LRP1B: variants seen among roughly 807,000 people sequenced by gnomAD.
LRP1B encodes LDL receptor related protein 1B.
In LRP1B, 217 loss-of-function variants were observed where a neutral mutation model predicts 556.6. That is an observed-to-expected ratio of 0.39 (90% CI 0.35 to 0.44). The LOEUF is 0.44. Among genes scored for constraint, LRP1B ranks in the 20% least tolerant of loss-of-function variants. The pLI is 1.00. For synonymous variants in LRP1B, 2,047 were observed against 1,865.8 expected (o/e 1.10, Z -2.50); for missense variants, 5,053 against 5,620.8 (o/e 0.90, Z 3.23).
intron 66 of LRP1B, among the ~76,000 whole-genome samples, chr2:140,395,125 A>G (rs1005167131): frequency 1.3e-5 from 2 of 152,178 alleles, no homozygotes; most frequent in Non-Finnish European, 2.9e-5. Context: ...TGCAATTTTT[A>G]TTGCTTAAAA....
At chr2:141,556,906 A>T (rs1459322366) in intron 2 of LRP1B, among the ~76,000 whole-genome samples, 1 of 151,770 alleles carries the variant, frequency 6.6e-6, no homozygotes, top group Non-Finnish European at 1.5e-5. Context: ...TAAGCTTCAG[A>T]TCTACTCTAT....
At chr2:141,518,122 T>A (rs1262025573) in intron 2 of LRP1B, among the ~76,000 whole-genome samples, 2 of 150,468 alleles carry the variant, frequency 1.3e-5, no homozygotes, top group African/African-American at 4.9e-5. Context: ...AGGTTATCTT[T>A]AAAAAAAAAA....
chr2:141,262,928 A>C (rs970465654), intron 3 of LRP1B, among the ~76,000 whole-genome samples: 58 of 151,926 alleles, frequency 3.8e-4, no homozygotes, highest in Admixed American at 3.7e-3. Flanking sequence ...TTCAGTTCCT[A>C]AAGAATCCTA....
intron 1 of LRP1B, among the ~76,000 whole-genome samples, chr2:142,074,027 T>C (rs992556057): frequency 1.3e-5 from 2 of 152,056 alleles, no homozygotes; most frequent in African/African-American, 4.8e-5. Flanking sequence ...TTTACAGCAG[T>C]GCGAGAATGG....
At chr2:141,116,320 T>C (rs796294124) in intron 7 of LRP1B, among the ~76,000 whole-genome samples, 57 of 152,340 alleles carry the variant, frequency 3.7e-4, no homozygotes, top group African/African-American at 1.3e-3. Flanking sequence ...TTTGTAACTG[T>C]ATGTTCACAA....
chr2:141,231,058 A>C (rs1683440609), intron 5 of LRP1B, among the ~76,000 whole-genome samples: 1 of 152,252 alleles, frequency 6.6e-6, no homozygotes, highest in Admixed American at 6.5e-5. Flanking sequence ...ACGCAACAAA[A>C]ATAATTTATT....
chr2:141,338,335 T>C (rs1460998533), intron 3 of LRP1B, among the ~76,000 whole-genome samples: 1 of 152,184 alleles, frequency 6.6e-6, no homozygotes, highest in East Asian at 1.9e-4. Context: ...AGGAGATTTC[T>C]GCCCTTTGAG....
Position 140,536,311 on chromosome 2 carries a change from T to TAAAAAAAAAAAA in LRP1B, c.7642+258_7642+269dup, listed in dbSNP as rs70988404. Among the ~76,000 whole-genome samples, 3 of 61,872 alleles carry TAAAAAAAAAAAA rather than the reference T, an allele frequency of 4.8e-5. No homozygotes were observed. The East Asian group carries it at 1.4e-3, about 28-fold the overall frequency. 40.6% of individuals were successfully genotyped at this position (61,872 alleles called of 152,430 possible). A position where few individuals can be genotyped will look rare whatever the true frequency, so the allele number is the denominator to read the frequency against. On this transcript the variant is annotated intron_variant, in intron 46 of 90. Transcript: ENST00000389484. ...GCAACACAATGAGACCCCGTCTCTT[T>TAAAAAAAAAAAA]AAAAAAAAAAAAAAAAAAAAAAAAA...
rs1487646822 is a variant in LRP1B at position 141,980,836 on chromosome 2, C to T, written c.82+149812G>A. Among the ~76,000 whole-genome samples, 4 of 152,116 alleles carry T rather than the reference C, an allele frequency of 2.6e-5. No individual in the cohort carries two copies. In the East Asian group the frequency reaches 5.8e-4, roughly 22 times the overall value. ...TATAGCTAGACACTACTGGATTGGA[C>T]AGCACAACTCAAGACTATGTTCACT... On this transcript the variant is annotated intron_variant, in intron 1 of 90. Coordinates refer to ENST00000389484, the MANE Select transcript of LRP1B (RefSeq NM_018557.3).
At chr2:142,118,357 C>G (rs140835117) in intron 1 of LRP1B, among the ~76,000 whole-genome samples, 2 of 152,172 alleles carry the variant, frequency 1.3e-5, no homozygotes, top group Non-Finnish European at 2.9e-5. Flanking sequence ...TTATTTTTTA[C>G]TTAAGTGATT....
rs1402791915 is a variant in LRP1B at position 141,418,810 on chromosome 2, G to A, written c.343+61586C>T. On this transcript the variant is annotated intron_variant, in intron 3 of 90. Coordinates refer to ENST00000389484, the MANE Select transcript of LRP1B (RefSeq NM_018557.3). ...TTTTGAGAGGAATTCCACTGAATCT[G>A]TAGATCACTTTGAATAGTATGGACA... 2.0e-5 allele frequency among the ~76,000 whole-genome samples: 3 copies of A among 151,902 alleles called. No homozygotes were observed. In the East Asian group the frequency reaches 5.8e-4, roughly 29 times the overall value.
rs537450524 is a variant in LRP1B, at chr2:140,527,219, A to T, written c.7763-869T>A. Among the ~76,000 whole-genome samples the T allele has an allele frequency of 3.3e-5, 5 of 151,998 alleles. No homozygotes were observed. The South Asian group carries it at 1.0e-3, about 32-fold the overall frequency. On this transcript the variant is annotated intron_variant, in intron 47 of 90. Coordinates refer to ENST00000389484, the MANE Select transcript of LRP1B (RefSeq NM_018557.3). ...CATTGATAATCATATAGTGGTTTCCAGTAAAATGCTGTGAATGGGTACATG... is the reference window on the plus strand; with the variant it reads ...CATTGATAATCATATAGTGGTTTCCTGTAAAATGCTGTGAATGGGTACATG...
intron 2 of LRP1B, among the ~76,000 whole-genome samples, chr2:141,576,543 G>A (rs781453770): frequency 5.9e-4 from 90 of 152,138 alleles, no homozygotes; most frequent in South Asian, 6.2e-4. Context: ...AAACCTACAC[G>A]TTCTGTACAT....
At chr2:141,434,422 A>C (rs1003665119) in intron 3 of LRP1B, among the ~76,000 whole-genome samples, 1 of 151,400 alleles carries the variant, frequency 6.6e-6, no homozygotes, top group Non-Finnish European at 1.5e-5. Context: ...TCAACTGCAG[A>C]TTTTCCACTT....
At chr2:141,719,820 T>A (rs1027389318) in intron 2 of LRP1B, among the ~76,000 whole-genome samples, 38 of 152,098 alleles carry the variant, frequency 2.5e-4, no homozygotes, top group Non-Finnish European at 8.8e-5. Context: ...CAATTTTCAC[T>A]TATGCAAAGA....
At chr2:141,889,887 C>A (rs1021003347) in intron 1 of LRP1B, among the ~76,000 whole-genome samples, 2 of 151,986 alleles carry the variant, frequency 1.3e-5, no homozygotes, top group Non-Finnish European at 2.9e-5. Context: ...TAGCAGATTT[C>A]TTTGTTTCAT....
At chr2:141,777,390 A>G (rs1399161722) in intron 2 of LRP1B, among the ~76,000 whole-genome samples, 1 of 152,170 alleles carries the variant, frequency 6.6e-6, no homozygotes, top group Non-Finnish European at 1.5e-5. Flanking sequence ...TGAATCTGCA[A>G]ATGACTTTTA....
chr2:141,307,458 A>C (rs1686633463), intron 3 of LRP1B, among the ~76,000 whole-genome samples: 2 of 152,030 alleles, frequency 1.3e-5, no homozygotes, highest in African/African-American at 4.8e-5. Flanking sequence ...TTTACATGGA[A>C]TATCCTTTTT....
intron 27 of LRP1B, among the ~76,000 whole-genome samples, chr2:140,855,798 A>G (rs1692599684): frequency 6.6e-6 from 1 of 152,158 alleles, no homozygotes; most frequent in African/African-American, 2.4e-5. Flanking sequence ...ACTGCACTCC[A>G]GCCTGGCCCA....
Sources: allele counts gnomAD v4.1 joint callset (sites outside exome capture counted in the v4.1 genomes callset), GRCh38; gene constraint gnomAD v4.1.1; transcripts MANE v1.5; gene names NCBI Gene and HGNC (gene_info 2026-07-23, HGNC 2026-07-21).